UST: variants seen among roughly 807,000 people sequenced by gnomAD.
UST encodes the protein chondroitin sulfate 2-O-sulfotransferase.
UST carries 21 observed loss-of-function variants against 45.6 expected under a neutral mutation model. That is an observed-to-expected ratio of 0.46 (90% CI 0.33 to 0.66). The LOEUF (loss-of-function observed/expected upper bound fraction) is 0.66, where lower values mean the gene tolerates loss of function less well. UST is among the 30% of genes least tolerant of loss of function. The pLI, the probability that UST is intolerant of heterozygous loss-of-function variation, is 0.02. For missense variants in UST, 463 were observed against 512.4 expected (o/e 0.90, Z 0.93); for synonymous variants, 215 against 200.6 (o/e 1.07, Z -0.61).
intron 2 of UST, among the ~76,000 whole-genome samples, chr6:148,930,084 C>T (rs761245280): frequency 1.3e-5 from 2 of 152,146 alleles, no homozygotes; most frequent in African/African-American, 4.8e-5. Flanking sequence ...ACCAAGACTC[C>T]GTTCAAATGC....
chr6:149,033,191 G>A (rs1776182083), intron 7 of UST, among the ~76,000 whole-genome samples: 1 of 152,188 alleles, frequency 6.6e-6, no homozygotes, highest in African/African-American at 2.4e-5. Flanking sequence ...GTGGTGATGT[G>A]GAAAGAGCAC....
intron 2 of UST, among the ~76,000 whole-genome samples, chr6:148,913,373 G>GT (rs1429375706): frequency 7.3e-6 from 1 of 137,414 alleles, no homozygotes; most frequent in Non-Finnish European, 1.5e-5. Flanking sequence ...GTAAAACATT[G>GT]TATCTATAGG....
rs116505075 is a variant in UST at position 148,839,170 on chromosome 6, T to C, written c.248-47816T>C. 5.4e-3 allele frequency among the ~76,000 whole-genome samples: 818 copies of C among 151,588 alleles called. 7 individuals are homozygous for C. The highest frequency in any genetic ancestry group is 0.019 in the African/African-American group (780 of 41,506). On this transcript the variant is annotated intron_variant, in intron 1 of 7. Transcript: ENST00000367463. ...CCTCTTGCACTCGGCCGCAGCAGAA[T>C]AGATCAAACCAGAATGGAGTCACTT...
In UST at chr6:148,957,714, G is replaced by A. The variant is rs999447310; in HGVS notation, c.527+3763G>A. Among the ~76,000 whole-genome samples the A allele has an allele frequency of 5.3e-5, 8 of 152,190 alleles. No individual in the cohort carries two copies. The East Asian group carries it at 1.3e-3, about 26-fold the overall frequency. ...CCTCCCAAGTGCTGGGATTACAGGC[G>A]TGAGCCACCATGCAAAGCCAAGGAC... On this transcript the variant is annotated intron_variant, in intron 4 of 7. Transcript: ENST00000367463.
Position 148,748,073 on chromosome 6 carries a change from C to G in UST, c.247+396C>G, listed in dbSNP as rs1361867548. Among the ~76,000 whole-genome samples the G allele has an allele frequency of 6.6e-6, 1 of 151,986 alleles. No individual in the cohort carries two copies. The highest frequency in any genetic ancestry group is 2.1e-4 in the South Asian group (1 of 4,810). ...AGGGAAGGGAAGGTCCTCTTCGTTG[C>G]ATTGTTAGTGACCGCAGTTCAGTCC... is the stretch of plus-strand genomic sequence containing the variant. On this transcript the variant is annotated intron_variant, in intron 1 of 7. Coordinates refer to ENST00000367463, the MANE Select transcript of UST (RefSeq NM_005715.3). This position sits in a 1 kb window ranked among gnomAD's most constrained non-coding sequence, Gnocchi z 5.3.
In UST at chr6:148,862,732, A is replaced by G. The variant is rs542554180; in HGVS notation, c.248-24254A>G. Among the ~76,000 whole-genome samples the G allele has an allele frequency of 2.6e-3, 401 of 152,196 alleles. 6 individuals carry two copies. Among genetic ancestry groups the G allele is most frequent in the African/African-American group, 9.1e-3 (378 of 41,536 alleles). On this transcript the variant is annotated intron_variant, in intron 1 of 7. Transcript: ENST00000367463. ...TCTCAGCATTTGCTTGTCTGTAAAG[A>G]ATTTTATTTCTCCTTCACTTATGAA...
intron 5 of UST, among the ~76,000 whole-genome samples, chr6:148,996,877 AAG>A (rs1217092116): frequency 6.6e-6 from 1 of 152,222 alleles, no homozygotes; most frequent in Admixed American, 6.5e-5. Context: ...AAAGAGTAAT[AAG>A]AGAAAAAAAT....
chr6:148,956,285 A>G (rs1780499436), intron 4 of UST: 2 of 161,498 alleles, frequency 1.2e-5, no homozygotes, highest in Admixed American at 6.4e-5. Flanking sequence ...GACTGGGAAG[A>G]AAAATAGGTT....
chr6:148,748,833 C>T lies in UST; in HGVS notation c.247+1156C>T, dbSNP rs1162365938. Among the ~76,000 whole-genome samples, 1 of 151,932 alleles carries T rather than the reference C, an allele frequency of 6.6e-6. No individual in the cohort carries two copies. The highest frequency in any genetic ancestry group is 6.6e-5 in the Admixed American group (1 of 15,256). ...AAATGGGCCAAATGACCCGGGCCAG[C>T]TGGAGGCTGCCACAGTTACCCCAAA... On this transcript the variant is annotated intron_variant, in intron 1 of 7. Transcript: ENST00000367463. The surrounding 1 kb of genome is among the most constrained non-coding windows in gnomAD (Gnocchi z 5.3).
intron 7 of UST, among the ~76,000 whole-genome samples, chr6:149,030,948 C>T (rs981007491): frequency 2.6e-5 from 4 of 152,126 alleles, no homozygotes; most frequent in Non-Finnish European, 4.4e-5. Flanking sequence ...CTGGCTCATG[C>T]CTGTAATCTC....
intron 5 of UST, chr6:149,005,479 C>T: frequency 1.0e-6 from 1 of 985,368 alleles, no homozygotes; most frequent in Non-Finnish European, 1.2e-6. Flanking sequence ...ACCAAATTGA[C>T]AGTGGGCCCG....
At chr6:149,010,189 T>G (rs940668306) in intron 5 of UST, among the ~76,000 whole-genome samples, 5 of 152,226 alleles carry the variant, frequency 3.3e-5, no homozygotes, top group Non-Finnish European at 5.9e-5. Flanking sequence ...TGAATTGGAA[T>G]GTAACTATGA....
chr6:148,981,459 G>A (rs919367793), intron 5 of UST, among the ~76,000 whole-genome samples: 1 of 152,186 alleles, frequency 6.6e-6, no homozygotes, highest in Non-Finnish European at 1.5e-5. Flanking sequence ...TTCCCAGCCT[G>A]ACTGTCAGCT....
At chr6:148,932,744 A>G (rs1473630419) in intron 2 of UST, among the ~76,000 whole-genome samples, 1 of 152,192 alleles carries the variant, frequency 6.6e-6, no homozygotes, top group East Asian at 1.9e-4. Context: ...TTGTATGAAA[A>G]TTCTGGTACA....
chr6:149,055,108 A>G (rs1165484171), intron 7 of UST, among the ~76,000 whole-genome samples: 1 of 152,034 alleles, frequency 6.6e-6, no homozygotes, highest in Non-Finnish European at 1.5e-5. Flanking sequence ...AAGTAAATAA[A>G]TCATTTGGTA....
chr6:148,800,242 C>T (rs927361583), intron 1 of UST, among the ~76,000 whole-genome samples: 1 of 152,158 alleles, frequency 6.6e-6, no homozygotes, highest in African/African-American at 2.4e-5. Context: ...GGTTCAGAAG[C>T]CAGCCTCATA....
At chr6:149,042,032 G>C (rs746740366) in intron 7 of UST, among the ~76,000 whole-genome samples, 4 of 152,250 alleles carry the variant, frequency 2.6e-5, no homozygotes, top group Non-Finnish European at 5.9e-5. Context: ...TGGGTGTACA[G>C]TAAAAATGTA....
rs116080295 is a variant in UST, at chr6:148,906,423, G to A, written c.291+19394G>A. Among the ~76,000 whole-genome samples, 899 of 152,298 alleles carry A rather than the reference G, an allele frequency of 5.9e-3. 9 individuals carry two copies. The highest frequency in any genetic ancestry group is 0.02 in the African/African-American group (842 of 41,560). ...TCATCATGGGTGAATATAGCAAAAAGTGGGCAAAAGTAACTGATCTGGGCT... is the reference window on the plus strand; with the variant it reads ...TCATCATGGGTGAATATAGCAAAAAATGGGCAAAAGTAACTGATCTGGGCT... On this transcript the variant is annotated intron_variant, in intron 2 of 7. Transcript: ENST00000367463.
At chr6:148,754,844 A>C (rs1776064855) in intron 1 of UST, among the ~76,000 whole-genome samples, 1 of 152,222 alleles carries the variant, frequency 6.6e-6, no homozygotes, top group African/African-American at 2.4e-5. Context: ...CTGGGTATAT[A>C]GTAAAACCTA....
Sources: allele counts gnomAD v4.1 joint callset (sites outside exome capture counted in the v4.1 genomes callset), GRCh38; gene constraint gnomAD v4.1.1; non-coding constraint Gnocchi (gnomAD v3.1); transcripts MANE v1.5; gene names NCBI Gene and HGNC (gene_info 2026-07-23, HGNC 2026-07-21).